The following MTCL2 variants were observed in gnomAD, a reference collection of about 807,000 sequenced individuals.
MTCL2 encodes the protein microtubule cross-linking factor 2.
the MTCL2 span, among the ~76,000 whole-genome samples, chr20:36,814,073 T>G: frequency 2.4e-4 from 36 of 152,326 alleles, no homozygotes; most frequent in South Asian, 7.3e-3. Context: ...GTCAAGTTCC[T>G]TGTTCATAAA....
At chr20:36,793,853 G>A in the MTCL2 span, 31 of 1,547,012 alleles carry the variant, frequency 2.0e-5, no homozygotes, top group Non-Finnish European at 2.5e-5. The surrounding 1 kb of genome is among the most constrained non-coding windows in gnomAD (Gnocchi z 6.8). Context: ...AGACACGAGC[G>A]AAGAGCTGCG....
chr20:36,800,723 G>C, the MTCL2 span, among the ~76,000 whole-genome samples: 4 of 152,186 alleles, frequency 2.6e-5, no homozygotes, highest in African/African-American at 9.6e-5. Flanking sequence ...CTCACCTTCA[G>C]TAGAAGTCAG....
chr20:36,816,155 C>G, the MTCL2 span: 18 of 1,613,764 alleles, frequency 1.1e-5, no homozygotes, highest in Admixed American at 3.0e-4. Context: ...CGGCTGACAG[C>G]GCGCTGTCCA....
the MTCL2 span, chr20:36,802,991 G>T: frequency 6.3e-7 from 1 of 1,595,152 alleles, no homozygotes; most frequent in Non-Finnish European, 8.5e-7. Context: ...TCAGCTCCAT[G>T]ACAGCGCTGT....
the MTCL2 span, among the ~76,000 whole-genome samples, chr20:36,809,662 G>A: frequency 1.0e-4 from 15 of 143,674 alleles, no homozygotes; most frequent in East Asian, 2.1e-4. Flanking sequence ...TGTAACCTCC[G>A]CCTCCTGGGT....
At chr20:36,786,534 G>A in the MTCL2 span, 1 of 1,550,952 alleles carries the variant, frequency 6.4e-7, no homozygotes, top group Non-Finnish European at 8.7e-7. Context: ...GCTGGACTCT[G>A]AAGGGTGCAG....
the MTCL2 span, chr20:36,815,122 T>C: frequency 6.3e-7 from 1 of 1,577,300 alleles, no homozygotes; most frequent in Non-Finnish European, 8.6e-7. The surrounding 1 kb of genome is among the most constrained non-coding windows in gnomAD (Gnocchi z 5.3). Context: ...ATGAGGCACC[T>C]TACCTGAAAG....
chr20:36,828,729 T>G, the MTCL2 span: 1 of 269,860 alleles, frequency 3.7e-6, no homozygotes, highest in Non-Finnish European at 7.0e-6. Context: ...ATGCCTGACA[T>G]TGTTGCATGT....
At chr20:36,789,860 T>C in the MTCL2 span, among the ~76,000 whole-genome samples, 2 of 152,130 alleles carry the variant, frequency 1.3e-5, no homozygotes, top group African/African-American at 2.4e-5. Flanking sequence ...TCTCACTCTG[T>C]TGCTCAGGCT....
At chr20:36,824,486 T>C in the MTCL2 span, among the ~76,000 whole-genome samples, 2 of 151,564 alleles carry the variant, frequency 1.3e-5, no homozygotes, top group African/African-American at 2.4e-5. Context: ...GGATGAGTGG[T>C]TGCTGGGGGC....
the MTCL2 span, among the ~76,000 whole-genome samples, chr20:36,787,801 G>A: frequency 1.0e-3 from 156 of 149,488 alleles, no homozygotes; most frequent in African/African-American, 3.3e-3. Flanking sequence ...CAGGAGAATC[G>A]CTTAAACCCA....
At chr20:36,832,572 G>T in the MTCL2 span, among the ~76,000 whole-genome samples, 1 of 152,142 alleles carries the variant, frequency 6.6e-6, no homozygotes, top group African/African-American at 2.4e-5. Context: ...GATGACTCAC[G>T]CCTATAATCC....
the MTCL2 span, chr20:36,817,470 C>G: frequency 6.5e-7 from 1 of 1,545,968 alleles, no homozygotes; most frequent in Non-Finnish European, 8.7e-7. Flanking sequence ...TCAAGGAATG[C>G]TGAAGTGAGA....
chr20:36,863,399 T>G, the MTCL2 span: 1 of 1,127,906 alleles, frequency 8.9e-7, no homozygotes, highest in Non-Finnish European at 1.1e-6. The surrounding 1 kb of genome is among the most constrained non-coding windows in gnomAD (Gnocchi z 6.2). Flanking sequence ...CCGCCCGGCC[T>G]CGACGTCCCT....
the MTCL2 span, among the ~76,000 whole-genome samples, chr20:36,829,585 A>G: frequency 7.1e-6 from 1 of 140,696 alleles, no homozygotes; most frequent in Non-Finnish European, 1.5e-5. Context: ...TGGTGCAATC[A>G]TGTCTCACTG....
the MTCL2 span, among the ~76,000 whole-genome samples, chr20:36,858,848 T>C: frequency 1.3e-5 from 2 of 152,184 alleles, no homozygotes; most frequent in East Asian, 1.9e-4. Context: ...TAGAGTGCAG[T>C]GGCGCCATCT....
chr20:36,807,912 C>T, the MTCL2 span, among the ~76,000 whole-genome samples: 1 of 116,012 alleles, frequency 8.6e-6, no homozygotes, highest in Non-Finnish European at 1.6e-5. Flanking sequence ...GTCTTGCTCT[C>T]TCTCCCACTC....
At chr20:36,845,209 C>T in the MTCL2 span, among the ~76,000 whole-genome samples, 6 of 152,184 alleles carry the variant, frequency 3.9e-5, no homozygotes, top group African/African-American at 1.4e-4. Context: ...GGTGAGCCCC[C>T]CAAGGGATTC....
chr20:36,863,091 C>G, the MTCL2 span: 117 of 1,400,590 alleles, frequency 8.4e-5, no homozygotes, highest in African/African-American at 1.5e-3. This position sits in a 1 kb window ranked among gnomAD's most constrained non-coding sequence, Gnocchi z 6.2. Context: ...CACCCGCACA[C>G]CCGCACCGCG....
Sources: gnomAD v4.1 joint callset for allele counts (sites outside exome capture counted in the v4.1 genomes callset) on GRCh38, gnomAD v4.1.1 for gene constraint, Gnocchi (gnomAD v3.1) non-coding constraint, MANE v1.5 for transcripts, NCBI Gene and HGNC (gene_info 2026-07-23, HGNC 2026-07-21) for gene names.